Variants in ZCCHC7 observed in about 807,000 individuals in gnomAD.
ZCCHC7 encodes the protein zinc finger CCHC domain-containing protein 7.
A neutral mutation model predicts 52.0 loss-of-function variants in ZCCHC7; 35 were observed. The ratio of observed to expected loss-of-function variants is 0.67; its 90% CI spans 0.51 to 0.89. The LOEUF is 0.89. Ranked by LOEUF, ZCCHC7 falls within the 40% of genes least tolerant of loss-of-function variation. ZCCHC7 has a pLI of 0.00. For synonymous variants in ZCCHC7, 217 were observed against 221.5 expected (o/e 0.98, Z 0.18); for missense variants, 574 against 649.1 (o/e 0.88, Z 1.26).
At chr9:37,344,372 C>T (rs368729569) in intron 6 of ZCCHC7, among the ~76,000 whole-genome samples, 2 of 152,234 alleles carry the variant, frequency 1.3e-5, no homozygotes, top group African/African-American at 4.8e-5. Flanking sequence ...AAAACAAATC[C>T]GATATTCTTC....
intron 2 of ZCCHC7, among the ~76,000 whole-genome samples, chr9:37,239,829 A>G (rs1042799485): frequency 6.6e-6 from 1 of 152,118 alleles, no homozygotes; most frequent in Non-Finnish European, 1.5e-5. Context: ...CTTTACCTGT[A>G]TGTTTAATTC....
intron 2 of ZCCHC7, among the ~76,000 whole-genome samples, chr9:37,201,107 A>G (rs950970939): frequency 4.6e-5 from 7 of 152,212 alleles, no homozygotes; most frequent in Admixed American, 4.6e-4. Flanking sequence ...TTAAATGAAG[A>G]AGATATTAGT....
At chr9:37,243,429 G>A (rs1401316913) in intron 2 of ZCCHC7, among the ~76,000 whole-genome samples, 1 of 151,682 alleles carries the variant, frequency 6.6e-6, no homozygotes, top group East Asian at 1.9e-4. Flanking sequence ...CTCTTTAGCT[G>A]TTCATTTTTG....
At position 37,131,828 on chromosome 9, in the gene ZCCHC7, T is replaced by C. The variant is rs182586304; in HGVS notation, c.610+4886T>C. ...CCTGAGGCTCCATTGAGACTGTATATACGTGACACTTAACAGTCTAGCCTT... is the reference window on the plus strand; with the variant it reads ...CCTGAGGCTCCATTGAGACTGTATACACGTGACACTTAACAGTCTAGCCTT... On this transcript the variant is annotated intron_variant, in intron 2 of 8. Transcript: ENST00000336755. Among the ~76,000 whole-genome samples the C allele has an allele frequency of 7.2e-5, 11 of 152,314 alleles. No individual in the cohort carries two copies. In the East Asian group the frequency reaches 1.9e-3, roughly 27 times the overall value.
chr9:37,342,863 A>G (rs1051186794), intron 6 of ZCCHC7, among the ~76,000 whole-genome samples: 2 of 152,256 alleles, frequency 1.3e-5, no homozygotes, highest in Non-Finnish European at 1.5e-5. Flanking sequence ...TGGAGCCCAC[A>G]TTAGAACATA....
At chr9:37,172,077 C>T (rs552367316) in intron 2 of ZCCHC7, among the ~76,000 whole-genome samples, 1 of 152,144 alleles carries the variant, frequency 6.6e-6, no homozygotes, top group African/African-American at 2.4e-5. Context: ...TCTTAAAGTT[C>T]TAATGTACTT....
At chr9:37,273,852 A>G (rs900802914) in intron 2 of ZCCHC7, among the ~76,000 whole-genome samples, 1 of 151,844 alleles carries the variant, frequency 6.6e-6, no homozygotes, top group Admixed American at 6.6e-5. Flanking sequence ...ATATGTGGGA[A>G]TTTTTTTTAT....
intron 2 of ZCCHC7, among the ~76,000 whole-genome samples, chr9:37,300,072 A>G (rs1299461652): frequency 1.3e-5 from 2 of 152,322 alleles, no homozygotes; most frequent in South Asian, 2.1e-4. Flanking sequence ...CCAATCCCTC[A>G]TATATACTGA....
At chr9:37,249,739 G>A (rs1206373995) in intron 2 of ZCCHC7, among the ~76,000 whole-genome samples, 4 of 151,900 alleles carry the variant, frequency 2.6e-5, no homozygotes, top group African/African-American at 4.8e-5. Flanking sequence ...ATGAGCCACC[G>A]CGCCCAGCCA....
intron 5 of ZCCHC7, among the ~76,000 whole-genome samples, chr9:37,310,682 A>T (rs545999443): frequency 1.3e-5 from 2 of 152,266 alleles, no homozygotes; most frequent in South Asian, 4.1e-4. Flanking sequence ...TACTCGGAGG[A>T]TCTCTCAACT....
intron 2 of ZCCHC7, among the ~76,000 whole-genome samples, chr9:37,176,380 A>G (rs1256522639): frequency 6.6e-6 from 1 of 152,058 alleles, no homozygotes; most frequent in Non-Finnish European, 1.5e-5. Flanking sequence ...GTCTAGCCTC[A>G]TTTGTTAAAT....
rs1487042862 is a variant in ZCCHC7, at chr9:37,304,262, T to C, written c.729T>C (p.Cys243=). The change falls in exon 4 of 9, where the codon TGT becomes TGC. Residue 243 remains cysteine, a synonymous_variant. Coordinates refer to ENST00000336755, the MANE Select transcript of ZCCHC7 (RefSeq NM_032226.3). ...ATTCAGCCAACAAAAACATTATCTG[T>C]AGAAATTGTGACAAACGTGGTCATT... is the stretch of plus-strand genomic sequence containing the variant. The part of the protein sequence containing the change: ...RYYSANKNII[C]RNCDKRGHLS... 3 of 1,614,074 alleles carry C rather than the reference T, an allele frequency of 1.9e-6. No homozygotes were observed. The highest frequency in any genetic ancestry group is 2.5e-6 in the Non-Finnish European group (3 of 1,179,950).
intron 2 of ZCCHC7, among the ~76,000 whole-genome samples, chr9:37,269,267 T>C (rs1482882232): frequency 6.6e-6 from 1 of 152,118 alleles, no homozygotes; most frequent in Non-Finnish European, 1.5e-5. Context: ...TAATGAAGTA[T>C]ATGAAGCAGG....
chr9:37,135,554 T>C lies in ZCCHC7; in HGVS notation c.610+8612T>C, dbSNP rs1281341720. 2.0e-5 allele frequency among the ~76,000 whole-genome samples: 3 copies of C among 152,236 alleles called. No individual in the cohort carries two copies. In the East Asian group the frequency reaches 5.8e-4, roughly 29 times the overall value. On this transcript the variant is annotated intron_variant, in intron 2 of 8. Coordinates refer to ENST00000336755, the MANE Select transcript of ZCCHC7 (RefSeq NM_032226.3). ...GTGTCAATGTAGAGCTCCTTCAGTA[T>C]GTGTAATTTGGCACACAACCCCTTT...
At chr9:37,157,443 G>T (rs1468611796) in intron 2 of ZCCHC7, among the ~76,000 whole-genome samples, 4 of 152,144 alleles carry the variant, frequency 2.6e-5, no homozygotes, top group Non-Finnish European at 5.9e-5. Context: ...AGTGAGCCAT[G>T]ATTGTGCCAC....
At chr9:37,268,677 C>T (rs1442987964) in intron 2 of ZCCHC7, among the ~76,000 whole-genome samples, 2 of 152,138 alleles carry the variant, frequency 1.3e-5, no homozygotes, top group African/African-American at 2.4e-5. Flanking sequence ...CCGCCCACCT[C>T]GGCCTCCCAA....
chr9:37,274,582 G>C (rs1431380519), intron 2 of ZCCHC7, among the ~76,000 whole-genome samples: 2 of 151,622 alleles, frequency 1.3e-5, no homozygotes, highest in African/African-American at 4.8e-5. Context: ...CAAGTGATCT[G>C]CCTGCCTCAG....
intron 2 of ZCCHC7, among the ~76,000 whole-genome samples, chr9:37,265,753 T>C (rs967802606): frequency 5.9e-5 from 9 of 152,214 alleles, no homozygotes; most frequent in Non-Finnish European, 1.2e-4. Context: ...CCATTTTCCT[T>C]TTTCAAAGGT....
intron 6 of ZCCHC7, among the ~76,000 whole-genome samples, chr9:37,328,589 A>C (rs1830338865): frequency 6.6e-6 from 1 of 151,880 alleles, no homozygotes; most frequent in African/African-American, 2.4e-5. Context: ...TAATTATTAC[A>C]GTTATATAAC....
Sources: gnomAD v4.1 joint callset for allele counts (sites outside exome capture counted in the v4.1 genomes callset) on GRCh38, gnomAD v4.1.1 for gene constraint, MANE v1.5 for transcripts, NCBI Gene and HGNC (gene_info 2026-07-23, HGNC 2026-07-21) for gene names.